Variants in ANO2 observed in about 807,000 individuals in gnomAD.
ANO2 encodes anoctamin 2.
A neutral mutation model predicts 124.2 loss-of-function variants in ANO2; 101 were observed. The ratio of observed to expected loss-of-function variants is 0.81; its 90% CI spans 0.69 to 0.96. The LOEUF (loss-of-function observed/expected upper bound fraction) is 0.96, where lower values mean the gene tolerates loss of function less well. Ranked by LOEUF, ANO2 falls within the 40% of genes least tolerant of loss-of-function variation. The pLI is 0.00. For synonymous variants in ANO2, 486 were observed against 482.5 expected (o/e 1.01, Z -0.09); for missense variants, 1,293 against 1,274.5 (o/e 1.01, Z -0.22).
intron 1 of ANO2, among the ~76,000 whole-genome samples, chr12:5,923,633 G>A (rs532197509): frequency 6.6e-6 from 1 of 152,294 alleles, no homozygotes; most frequent in Non-Finnish European, 1.5e-5. Flanking sequence ...CCCCTTCTCG[G>A]CAGGAATGCA....
chr12:5,841,378 C>A (rs1368935978), intron 4 of ANO2, among the ~76,000 whole-genome samples: 1 of 152,186 alleles, frequency 6.6e-6, no homozygotes, highest in Non-Finnish European at 1.5e-5. Context: ...TGAGTGTAGA[C>A]AGACAGTGAT....
intron 3 of ANO2, among the ~76,000 whole-genome samples, chr12:5,879,375 T>C (rs117863883): frequency 0.023 from 3,513 of 152,126 alleles, 68 homozygotes; most frequent in Non-Finnish European, 0.035. Flanking sequence ...CAAGTTATTA[T>C]AGCTCAGATA....
chr12:5,708,253 T>A (rs555436320), intron 14 of ANO2, among the ~76,000 whole-genome samples: 2 of 152,204 alleles, frequency 1.3e-5, no homozygotes, highest in Admixed American at 6.5e-5. Context: ...TCCCCACTAA[T>A]GTCTCTGAAT....
chr12:5,784,596 C>A (rs141926351), intron 10 of ANO2, among the ~76,000 whole-genome samples: 15 of 152,286 alleles, frequency 9.8e-5, no homozygotes, highest in African/African-American at 3.6e-4. Flanking sequence ...TTGGACTCTG[C>A]CTCAAAGCAA....
intron 10 of ANO2, among the ~76,000 whole-genome samples, chr12:5,767,823 C>A (rs1951942956): frequency 6.6e-6 from 1 of 152,066 alleles, no homozygotes; most frequent in African/African-American, 2.4e-5. Context: ...CCTCTCTGGC[C>A]CACAGGCTGT....
chr12:5,619,742 G>A (rs1308602251), intron 16 of ANO2, among the ~76,000 whole-genome samples: 3 of 152,216 alleles, frequency 2.0e-5, no homozygotes, highest in African/African-American at 7.2e-5. Flanking sequence ...TCCTCCAAAC[G>A]TCTGGCTTAA....
intron 1 of ANO2, among the ~76,000 whole-genome samples, chr12:5,942,542 G>T (rs1296368588): frequency 1.3e-5 from 2 of 152,118 alleles, no homozygotes; most frequent in African/African-American, 4.8e-5. Context: ...GGAACACGTG[G>T]CCTGAGCCAC....
At chr12:5,621,877 A>G (rs1945135596) in intron 16 of ANO2, among the ~76,000 whole-genome samples, 1 of 152,110 alleles carries the variant, frequency 6.6e-6, no homozygotes, top group African/African-American at 2.4e-5. Context: ...GGAGGGATGA[A>G]AGGAAAGGGA....
intron 6 of ANO2, among the ~76,000 whole-genome samples, chr12:5,830,199 G>T (rs1034407225): frequency 6.6e-6 from 1 of 151,978 alleles, no homozygotes; most frequent in African/African-American, 2.4e-5. Flanking sequence ...TTTCTAAGAA[G>T]AACTTTAATG....
In ANO2 at chr12:5,732,604, G is replaced by A; in HGVS notation, c.1461C>T (p.Thr487=). ...CCTTTAGCATTTTCTCTCGAACTTT[G>A]GTTTCATACTCAGGCCTGGAATGTT... The part of the protein sequence containing the change: ...EEEHSRPEYE[T]KVREKMLKES... Residue 487 remains threonine (T), a synonymous_variant, in exon 14 of 25, where the codon ACC becomes ACT. Transcript: ENST00000682330. 1 of 1,613,814 alleles carries A rather than the reference G, an allele frequency of 6.2e-7. No homozygotes were observed. Among genetic ancestry groups the A allele is most frequent in the Non-Finnish European group, 8.5e-7 (1 of 1,179,834 alleles).
chr12:5,784,538 G>C (rs983565890), intron 10 of ANO2, among the ~76,000 whole-genome samples: 1 of 152,222 alleles, frequency 6.6e-6, no homozygotes, highest in African/African-American at 2.4e-5. Context: ...GGCCAAGCCA[G>C]GCAAACTTAA....
chr12:5,663,926 T>G (rs762496069), intron 14 of ANO2, among the ~76,000 whole-genome samples: 22 of 152,202 alleles, frequency 1.4e-4, no homozygotes, highest in Admixed American at 2.6e-4. Context: ...GCTATGACCT[T>G]TGTGGTCCAG....
intron 14 of ANO2, among the ~76,000 whole-genome samples, chr12:5,707,172 T>A (rs976190275): frequency 6.6e-6 from 1 of 151,232 alleles, no homozygotes; most frequent in East Asian, 2.0e-4. Flanking sequence ...CTCATGAGAT[T>A]TGATAATTGA....
intron 23 of ANO2, among the ~76,000 whole-genome samples, chr12:5,567,451 G>C (rs1941834946): frequency 6.6e-6 from 1 of 152,136 alleles, no homozygotes; most frequent in Non-Finnish European, 1.5e-5. Context: ...CACTCTTCTA[G>C]AGACCTCCAG....
intron 14 of ANO2, among the ~76,000 whole-genome samples, chr12:5,720,855 G>A (rs1212663857): frequency 1.3e-5 from 2 of 152,192 alleles, no homozygotes. Context: ...CAGTAGAAAT[G>A]TATACAGTGA....
intron 14 of ANO2, among the ~76,000 whole-genome samples, chr12:5,725,345 G>A (rs911464567): frequency 1.3e-5 from 2 of 152,038 alleles, no homozygotes; most frequent in African/African-American, 2.4e-5. Context: ...TCTCTTCCCC[G>A]ATAGCCTCTC....
At chr12:5,597,761 G>A (rs1266956901) in intron 20 of ANO2, among the ~76,000 whole-genome samples, 1 of 152,158 alleles carries the variant, frequency 6.6e-6, no homozygotes, top group Non-Finnish European at 1.5e-5. Context: ...CCAATCTCTG[G>A]CAGCACTTTC....
At chr12:5,625,174 C>T (rs529501882) in intron 16 of ANO2, among the ~76,000 whole-genome samples, 133 of 152,180 alleles carry the variant, frequency 8.7e-4, no homozygotes, top group African/African-American at 3.1e-3. Flanking sequence ...TTTAAAAAAT[C>T]ACAGAAAGTG....
At chr12:5,648,214 T>A (rs933710772) in intron 14 of ANO2, among the ~76,000 whole-genome samples, 3 of 152,178 alleles carry the variant, frequency 2.0e-5, no homozygotes, top group Admixed American at 6.5e-5. Context: ...ACCATGTGAA[T>A]ATAGTAAAGC....
Sources: gnomAD v4.1 joint callset for allele counts (sites outside exome capture counted in the v4.1 genomes callset) on GRCh38, gnomAD v4.1.1 for gene constraint, MANE v1.5 for transcripts, NCBI Gene and HGNC (gene_info 2026-07-23, HGNC 2026-07-21) for gene names.